Variants in CLTCL1 observed in about 807,000 individuals in gnomAD.
CLTCL1 encodes clathrin heavy chain like 1, also known as clathrin heavy chain 2.
Under a neutral mutation model 190.0 loss-of-function variants are expected in CLTCL1, and 159 were observed. The ratio of observed to expected loss-of-function variants is 0.84; its 90% CI spans 0.74 to 0.95. The LOEUF is 0.95. Ranked by LOEUF, CLTCL1 falls within the 40% of genes least tolerant of loss-of-function variation. The pLI, the probability that CLTCL1 is intolerant of heterozygous loss-of-function variation, is 0.00. For synonymous variants in CLTCL1, 752 were observed against 769.6 expected (o/e 0.98, Z 0.38); for missense variants, 1,878 against 2,033.4 (o/e 0.92, Z 1.47).
intron 4 of CLTCL1, 91 bp downstream of exon 4, chr22:19,242,684 T>A (rs2086293140): frequency 7.3e-7 from 1 of 1,370,476 alleles, no homozygotes; most frequent in Non-Finnish European, 1.0e-6. Flanking sequence ...CACACAGACA[T>A]CTGCAGGCCA....
chr22:19,225,430 C>T (rs781847124), intron 13 of CLTCL1, 23 bp downstream of exon 13: 10 of 1,542,718 alleles, frequency 6.5e-6, no homozygotes, highest in South Asian at 3.6e-5. Flanking sequence ...ATGGTGGGGT[C>T]GGCGAGAGGC....
rs2086177858 is a variant in CLTCL1, at chr22:19,239,341, A to G, written c.729T>C (p.Phe243=). 2.5e-6 allele frequency: 4 copies of G among 1,614,052 alleles called. No homozygotes were observed. In the African/African-American group the frequency reaches 4.0e-5, roughly 16 times the overall value. The change falls in exon 5 of 33, where the codon TTT becomes TTC. Residue 243 remains phenylalanine (F), a synonymous_variant. Transcript: ENST00000427926. ...AAAACACATCTACTGCTTTCTTTAC[A>G]AAAGGTTGGTTTCCCGCTGCAGGCT... The part of the protein sequence containing the change: ...VGQPAAGNQP[F]VKKAVDVFFP...
chr22:19,268,429 G>T (rs1397434919), intron 2 of CLTCL1, among the ~76,000 whole-genome samples: 1 of 152,108 alleles, frequency 6.6e-6, no homozygotes, highest in African/African-American at 2.4e-5. Flanking sequence ...CAGACTGGGA[G>T]AAAATATATG....
chr22:19,225,781 C>A, intron 12 of CLTCL1, 148 bp from the exon 13 acceptor site: 1 of 743,708 alleles, frequency 1.3e-6, no homozygotes. Context: ...AACTATCCAT[C>A]ACGGGAAAAA....
At chr22:19,270,588 G>A (rs990150181) in intron 2 of CLTCL1, among the ~76,000 whole-genome samples, 2 of 151,832 alleles carry the variant, frequency 1.3e-5, no homozygotes, top group Non-Finnish European at 2.9e-5. Flanking sequence ...TTAGCTGGGT[G>A]TGATGGTGGG....
chr22:19,224,005 A>C lies in CLTCL1; in HGVS notation c.2178T>G (p.Asp726Glu). 6.2e-7 allele frequency: 1 copy of C among 1,614,008 alleles called. No homozygotes were observed. Among genetic ancestry groups the C allele is most frequent in the South Asian group, 1.1e-5 (1 of 91,082 alleles). The change falls in exon 14 of 33, where the codon GAT becomes GAG. Residue 726 changes from aspartate (D) to glutamate (E), a missense_variant. Physicochemically the swap from Asp to Glu is conservative, Grantham distance 45 (BLOSUM62 2). Coordinates refer to ENST00000427926, the MANE Select transcript of CLTCL1 (RefSeq NM_007098.4). ...GSIVNFSQDPDVHLKYIQAAC... is the reference protein window; with the variant it reads ...GSIVNFSQDPEVHLKYIQAAC... Reference sequence around the variant, plus strand: ...CAGCCTGAATGTATTTCAGATGCACATCTGGGTCTTGGCTGAAGTTCACGA... The same window carrying C: ...CAGCCTGAATGTATTTCAGATGCACCTCTGGGTCTTGGCTGAAGTTCACGA...
chr22:19,192,517 C>T (rs745730326), intron 26 of CLTCL1, among the ~76,000 whole-genome samples: 3 of 152,162 alleles, frequency 2.0e-5, no homozygotes, highest in Non-Finnish European at 4.4e-5. Context: ...GGGATGTGCA[C>T]AGGGCACAGC....
In CLTCL1 at chr22:19,211,711, G is replaced by A. The variant is rs1370087751; in HGVS notation, c.3066-1202C>T. 1.4e-4 allele frequency among the ~76,000 whole-genome samples: 21 copies of A among 149,414 alleles called. No individual in the cohort carries two copies. In the East Asian group the frequency reaches 3.4e-3, roughly 24 times the overall value. Reference sequence around the variant, plus strand: ...GAACCCAGGAGGCAGAGGTTGCAGTGAGCTGAGATTGCGCCACTGCACTCC... The same window carrying A: ...GAACCCAGGAGGCAGAGGTTGCAGTAAGCTGAGATTGCGCCACTGCACTCC... On this transcript the variant is annotated intron_variant, in intron 19 of 32. Transcript: ENST00000427926.
At chr22:19,256,801 G>A (rs1250449102) in intron 2 of CLTCL1, among the ~76,000 whole-genome samples, 1 of 152,010 alleles carries the variant, frequency 6.6e-6, no homozygotes, top group Non-Finnish European at 1.5e-5. Flanking sequence ...CCCTGGCCCA[G>A]CATCTTTTGT....
At chr22:19,273,651 C>T (rs782125102) in intron 2 of CLTCL1, among the ~76,000 whole-genome samples, 2 of 152,182 alleles carry the variant, frequency 1.3e-5, no homozygotes, top group African/African-American at 2.4e-5. Context: ...GTGACTGCTA[C>T]TTCTTTACCC....
Position 19,251,557 on chromosome 22 carries a change from T to C in CLTCL1, c.519+2402A>G, listed in dbSNP as rs9618518. 3.3e-3 allele frequency among the ~76,000 whole-genome samples: 509 copies of C among 152,276 alleles called. 2 individuals carry two copies. The highest frequency in any genetic ancestry group is 9.8e-3 in the African/African-American group (407 of 41,572). The stretch of plus-strand genomic sequence containing the variant: ...CTGCAAGCTCCGCCTCCCGGGTTCA[T>C]GCCATTCTCCTGCCTCAGCCTCCCG... On this transcript the variant is annotated intron_variant, in intron 3 of 32. Transcript: ENST00000427926.
chr22:19,251,383 G>A (rs897695508), intron 3 of CLTCL1, among the ~76,000 whole-genome samples: 23 of 152,032 alleles, frequency 1.5e-4, no homozygotes, highest in Non-Finnish European at 2.9e-5. Flanking sequence ...GATTCCTTAG[G>A]ATTTCCATAT....
At chr22:19,281,163 T>C (rs361697) in intron 1 of CLTCL1, among the ~76,000 whole-genome samples, 121,169 of 151,484 alleles carry the variant, frequency 0.8, 48,588 homozygotes, top group East Asian at 0.9. Flanking sequence ...GGCATGGTGG[T>C]GGGTGCCTGT....
At chr22:19,181,153 C>A in intron 30 of CLTCL1, 1 of 292,368 alleles carries the variant, frequency 3.4e-6, no homozygotes. Context: ...CACTTACCGA[C>A]CTGCAGGGCT....
In CLTCL1 at chr22:19,291,601, T is replaced by C; in HGVS notation, c.41A>G (p.Gln14Arg). The C allele has an allele frequency of 7.2e-7, 1 of 1,395,586 alleles. No individual in the cohort carries two copies. The highest frequency in any genetic ancestry group is 2.8e-5 in the Admixed American group (1 of 35,334). The allele number at this position is 1,395,586 out of a possible 1,614,324, so 86.5% of individuals were successfully genotyped here. A position where few individuals can be genotyped will look rare whatever the true frequency, so the allele number is the denominator to read the frequency against. The change falls in exon 1 of 33, where the codon CAG becomes CGG. Residue 14 changes from glutamine to arginine, a missense_variant and splice_region_variant. Physicochemically the swap from Gln to Arg is conservative, Grantham distance 43. Transcript: ENST00000427926. ...GCCCCCCAGCCCGCCGGGCCTCACCTGGAAGTGCTCCTGAAAGCGAACAGG... is the reference window on the plus strand; with the variant it reads ...GCCCCCCAGCCCGCCGGGCCTCACCCGGAAGTGCTCCTGAAAGCGAACAGG... ...ILPVRFQEHF[Q>R]LQNLGINPAN... is the part of the protein sequence containing the mutation.
At chr22:19,278,810 C>T (rs1288238586) in intron 1 of CLTCL1, among the ~76,000 whole-genome samples, 8 of 152,188 alleles carry the variant, frequency 5.3e-5, no homozygotes, top group South Asian at 2.1e-4. Context: ...GGCGTGATCT[C>T]GGCTCACTGC....
At position 19,209,081 on chromosome 22, in the gene CLTCL1, C is replaced by T. The variant is rs782183440; in HGVS notation, c.3283G>A (p.Ala1095Thr). Residue 1095 changes from alanine to threonine, a missense_variant, in exon 21 of 33, where the codon GCA becomes ACA. Transcript: ENST00000427926. ...LIEHIGNLDR[A>T]YEFAERCNEP... is the part of the protein sequence containing the mutation. The stretch of plus-strand genomic sequence containing the variant: ...TTGCATCTCTCCGCAAACTCATATG[C>T]CCGGTCCAGGTTTCCAATGTGCTCG... The T allele has an allele frequency of 3.1e-6, 5 of 1,607,140 alleles. No individual in the cohort carries two copies. The highest frequency in any genetic ancestry group is 4.2e-6 in the Non-Finnish European group (5 of 1,176,594).
At chr22:19,270,215 T>C (rs1313680076) in intron 2 of CLTCL1, among the ~76,000 whole-genome samples, 1 of 152,160 alleles carries the variant, frequency 6.6e-6, no homozygotes, top group African/African-American at 2.4e-5. Context: ...GGAAGCCAGA[T>C]GTAAAAGACT....
intron 3 of CLTCL1, among the ~76,000 whole-genome samples, chr22:19,244,956 G>A (rs920360617): frequency 6.6e-6 from 1 of 152,142 alleles, no homozygotes; most frequent in Admixed American, 6.5e-5. Context: ...AAGTACACAA[G>A]CAACTGCAAT....
Sources: allele counts gnomAD v4.1 joint callset (sites outside exome capture counted in the v4.1 genomes callset), GRCh38; gene constraint gnomAD v4.1.1; transcripts MANE v1.5; gene names NCBI Gene and HGNC (gene_info 2026-07-23, HGNC 2026-07-21).